PPIP5K2: variants seen among roughly 807,000 people sequenced by gnomAD.
PPIP5K2 encodes the protein diphosphoinositol pentakisphosphate kinase 2, also known as inositol hexakisphosphate and diphosphoinositol-pentakisphosphate kinase 2.
Under a neutral mutation model 154.6 loss-of-function variants are expected in PPIP5K2, and 105 were observed. That is an observed-to-expected ratio of 0.68 (90% CI 0.58 to 0.80). PPIP5K2 has a LOEUF of 0.80. Among genes scored for constraint, PPIP5K2 ranks in the 30% least tolerant of loss-of-function variants. PPIP5K2 has a pLI of 0.00. For synonymous variants in PPIP5K2, 480 were observed against 490.3 expected, an observed-to-expected ratio of 0.98 and a Z score of 0.28; for missense variants, 992 against 1,504.6, an observed-to-expected ratio of 0.66 and a Z score of 5.64.
In PPIP5K2 at chr5:103,176,474, T is replaced by TGC. The variant is rs566074734; in HGVS notation, c.2530-1190_2530-1189dup. 1.2e-3 allele frequency among the ~76,000 whole-genome samples: 188 copies of TGC among 152,084 alleles called. 3 individuals are homozygous for TGC. Among genetic ancestry groups the TGC allele is most frequent in the South Asian group, 4.3e-3 (21 of 4,828 alleles). ...CCTCCTAAACTTGCACACATGCATG[T>TGC]GCGCACACACACACACGGAATGTAT... On this transcript the variant is annotated intron_variant, in intron 21 of 30. Coordinates refer to ENST00000358359, the MANE Select transcript of PPIP5K2 (RefSeq NM_001276277.3).
At chr5:103,187,247 C>A in intron 27 of PPIP5K2, 67 bp from the exon 28 acceptor site, 1 of 1,241,774 alleles carries the variant, frequency 8.1e-7, no homozygotes, top group South Asian at 1.3e-5. Context: ...TGTTTTTCCC[C>A]TCTTTCTTTT....
At position 103,162,350 on chromosome 5, in the gene PPIP5K2, CT is replaced by C. The variant is rs200973581; in HGVS notation, c.1920+3036del. On this transcript the variant is annotated intron_variant, in intron 17 of 30. Coordinates refer to ENST00000358359, the MANE Select transcript of PPIP5K2 (RefSeq NM_001276277.3). ...CCTTAATGATGTCATGATGTGTTTTCTTTTTTTTTTTTTTGTTTTTTTGTTT... is the reference window on the plus strand; with the variant it reads ...CCTTAATGATGTCATGATGTGTTTTCTTTTTTTTTTTTTGTTTTTTTGTTT... Among the ~76,000 whole-genome samples, 889 of 138,442 alleles carry C rather than the reference CT, an allele frequency of 6.4e-3. 6 individuals are homozygous for C. Among genetic ancestry groups the C allele is most frequent in the African/African-American group, 0.018 (677 of 38,086 alleles). 90.8% of individuals were successfully genotyped at this position (138,442 alleles called of 152,430 possible). A position where few individuals can be genotyped will look rare whatever the true frequency, so the allele number is the denominator to read the frequency against.
In PPIP5K2 at chr5:103,209,916, A is replaced by G. The variant is rs782286343; in HGVS notation, c.*8282A>G. 3 of 152,162 alleles carry G rather than the reference A, an allele frequency of 2.0e-5. No homozygotes were observed. The highest frequency in any genetic ancestry group is 4.4e-5 in the Non-Finnish European group (3 of 68,022). The allele number at this position is 152,162 out of a possible 1,614,324, so 9.4% of individuals were successfully genotyped here. On this transcript the variant is annotated 3_prime_UTR_variant, in exon 31 of 31. Coordinates refer to ENST00000358359, the MANE Select transcript of PPIP5K2 (RefSeq NM_001276277.3). ...ATCATTACGACTTTTTTTTCATGCC[A>G]CATAGATATGCTGATTTGTCCAACA...
intron 29 of PPIP5K2, among the ~76,000 whole-genome samples, chr5:103,193,316 T>G (rs994021892): frequency 1.8e-4 from 28 of 152,090 alleles, no homozygotes; most frequent in African/African-American, 6.8e-4. Flanking sequence ...TTTATATTAT[T>G]TACAGTTAGT....
intron 17 of PPIP5K2, among the ~76,000 whole-genome samples, chr5:103,165,425 T>C (rs1554217500): frequency 6.6e-6 from 1 of 151,920 alleles, no homozygotes; most frequent in Non-Finnish European, 1.5e-5. Context: ...ATGCTCATTA[T>C]GAAAAAACTA....
chr5:103,167,541 C>T (rs1240970498), intron 18 of PPIP5K2, among the ~76,000 whole-genome samples: 1 of 151,916 alleles, frequency 6.6e-6, no homozygotes, highest in Non-Finnish European at 1.5e-5. Context: ...ATTTGATTAT[C>T]TTATTATGCA....
At chr5:103,197,208 G>A (rs1249960647) in intron 30 of PPIP5K2, among the ~76,000 whole-genome samples, 12 of 151,910 alleles carry the variant, frequency 7.9e-5, no homozygotes, top group African/African-American at 2.7e-4. Flanking sequence ...AAAATAATTG[G>A]GAAGTGCTTT....
intron 17 of PPIP5K2, among the ~76,000 whole-genome samples, chr5:103,165,323 A>G (rs1554217462): frequency 6.6e-6 from 1 of 152,142 alleles, no homozygotes; most frequent in Non-Finnish European, 1.5e-5. Flanking sequence ...AAATTCGTGT[A>G]TAACTTTTGA....
At chr5:103,191,093 G>A (rs1801161616) in intron 29 of PPIP5K2, 111 bp downstream of exon 29, 1 of 964,622 alleles carries the variant, frequency 1.0e-6, no homozygotes, top group South Asian at 1.8e-5. Context: ...ATGAGTAGGA[G>A]TACAAAGGGG....
rs782515430 is a variant in PPIP5K2, at chr5:103,177,965, A to G, written c.2739A>G (p.Arg913=). 1 of 1,599,784 alleles carries G rather than the reference A, an allele frequency of 6.3e-7. No individual in the cohort carries two copies. The highest frequency in any genetic ancestry group is 1.1e-5 in the South Asian group (1 of 90,736). The change falls in exon 23 of 31, where the codon AGA becomes AGG. Residue 913 remains arginine, a synonymous_variant. Coordinates refer to ENST00000358359, the MANE Select transcript of PPIP5K2 (RefSeq NM_001276277.3). ...DKNLPSGYGY[R]PASRENEGRR... is the part of the protein sequence containing the mutation. ...ATTTGCCATCTGGCTATGGATATAG[A>G]CCAGCTTCCAGAGAGGTAATGAAGG...
rs1803651647 is a variant in PPIP5K2 at position 103,208,823 on chromosome 5, C to T, written c.*7189C>T. 6.6e-6 allele frequency: 1 copy of T among 152,064 alleles called. No homozygotes were observed. The highest frequency in any genetic ancestry group is 1.5e-5 in the Non-Finnish European group (1 of 68,030). 9.4% of individuals were successfully genotyped at this position (152,064 alleles called of 1,614,324 possible). ...TTACTGCACCTGGCAGCTCTATCTC[C>T]TATTTTGGGGTTGAGGTTAAAGTGT... is the stretch of plus-strand genomic sequence containing the variant. On this transcript the variant is annotated 3_prime_UTR_variant, in exon 31 of 31. Transcript: ENST00000358359.
At chr5:103,146,736 T>C in intron 6 of PPIP5K2, 55 bp downstream of exon 6, 1 of 1,409,516 alleles carries the variant, frequency 7.1e-7, no homozygotes, top group South Asian at 1.4e-5. Context: ...TGTCGTGTAT[T>C]ATTAAAAGCA....
rs1020764445 is a variant in PPIP5K2, at chr5:103,205,469, A to G, written c.*3835A>G. On this transcript the variant is annotated 3_prime_UTR_variant, in exon 31 of 31. Transcript: ENST00000358359. ...ATTTACACTCCCACCAAGTGTTCCTATTTCTCCACATCCTCTCCAGCATCT... is the reference window on the plus strand; with the variant it reads ...ATTTACACTCCCACCAAGTGTTCCTGTTTCTCCACATCCTCTCCAGCATCT... 3.9e-5 allele frequency: 6 copies of G among 152,190 alleles called. No homozygotes were observed. The highest frequency in any genetic ancestry group is 2.0e-4 in the Admixed American group (3 of 15,274). The allele number at this position is 152,190 out of a possible 1,614,324, so 9.4% of individuals were successfully genotyped here. A position where few individuals can be genotyped will look rare whatever the true frequency, so the allele number is the denominator to read the frequency against.
At chr5:103,170,741 G>A (rs1349125611) in intron 19 of PPIP5K2, among the ~76,000 whole-genome samples, 1 of 150,250 alleles carries the variant, frequency 6.7e-6, no homozygotes, top group African/African-American at 2.4e-5. Context: ...CAAAAACTGT[G>A]GACAGAAGGC....
chr5:103,155,888 G>T, intron 13 of PPIP5K2, 21 bp from the exon 14 acceptor site: 6 of 1,477,418 alleles, frequency 4.1e-6, no homozygotes, highest in Non-Finnish European at 5.7e-6. Context: ...GTTCTATTCT[G>T]TTTATCATTT....
intron 17 of PPIP5K2, among the ~76,000 whole-genome samples, chr5:103,161,473 C>T (rs1580262453): frequency 6.6e-6 from 1 of 152,052 alleles, no homozygotes; most frequent in South Asian, 2.1e-4. Context: ...GGGTATATAC[C>T]CAGTAATGGG....
At chr5:103,152,804 T>A in intron 10 of PPIP5K2, 55 bp downstream of exon 10, 1 of 1,199,844 alleles carries the variant, frequency 8.3e-7, no homozygotes, top group Non-Finnish European at 1.2e-6. Flanking sequence ...ATCTGTGCTA[T>A]TAGGATAAAA....
At chr5:103,176,906 A>G (rs781847914) in intron 21 of PPIP5K2, 1 of 1,451,024 alleles carries the variant, frequency 6.9e-7, no homozygotes, top group South Asian at 1.2e-5. Context: ...ATGGTGAAGG[A>G]GATGGTAAGA....
At chr5:103,167,565 G>A (rs1554218290) in intron 18 of PPIP5K2, among the ~76,000 whole-genome samples, 1 of 151,958 alleles carries the variant, frequency 6.6e-6, no homozygotes, top group African/African-American at 2.4e-5. Context: ...TTGCTATATA[G>A]TTAAGCAGTG....
Sources: allele counts gnomAD v4.1 joint callset (sites outside exome capture counted in the v4.1 genomes callset), GRCh38; gene constraint gnomAD v4.1.1; transcripts MANE v1.5; gene names NCBI Gene and HGNC (gene_info 2026-07-23, HGNC 2026-07-21).